SLIT2: variants seen among roughly 807,000 people sequenced by gnomAD.
SLIT2 encodes slit homolog 2 protein.
SLIT2 carries 41 observed loss-of-function variants against 185.7 expected under a neutral mutation model. The observed-to-expected ratio is 0.22, with a 90% CI of 0.17 to 0.29. The LOEUF is 0.29. Among genes scored for constraint, SLIT2 ranks in the 10% least tolerant of loss-of-function variants. The pLI is 1.00. For synonymous variants in SLIT2, 693 were observed against 680.2 expected (o/e 1.02, Z -0.29); for missense variants, 1,571 against 1,909.0 (o/e 0.82, Z 3.30).
chr4:20,438,868 C>T lies in SLIT2; in HGVS notation c.396-28884C>T, dbSNP rs572292482. ...GGTTTATGTGTCATTTTCCAGATGTCATCACTGCTGACAAGTCTATATAAA... is the reference window on the plus strand; with the variant it reads ...GGTTTATGTGTCATTTTCCAGATGTTATCACTGCTGACAAGTCTATATAAA... On this transcript the variant is annotated intron_variant, in intron 4 of 36. Transcript: ENST00000504154. Among the ~76,000 whole-genome samples the T allele has an allele frequency of 5.3e-5, 8 of 152,308 alleles. 1 individual carries two copies. In the East Asian group the frequency reaches 9.7e-4, roughly 18 times the overall value.
chr4:20,367,096 G>A (rs1206403791), intron 4 of SLIT2, among the ~76,000 whole-genome samples: 1 of 152,116 alleles, frequency 6.6e-6, no homozygotes, highest in Non-Finnish European at 1.5e-5. Flanking sequence ...ACTGTACCCA[G>A]ATGTTTTATG....
intron 19 of SLIT2, among the ~76,000 whole-genome samples, chr4:20,541,094 G>A (rs1419475340): frequency 2.0e-5 from 3 of 152,138 alleles, no homozygotes; most frequent in Non-Finnish European, 4.4e-5. Flanking sequence ...TTATCAGTGC[G>A]AAGTTTGACA....
At chr4:20,593,293 A>G (rs1727660291) in intron 30 of SLIT2, among the ~76,000 whole-genome samples, 1 of 152,190 alleles carries the variant, frequency 6.6e-6, no homozygotes, top group Admixed American at 6.6e-5. Flanking sequence ...ATACGTGTTA[A>G]AGATGAGGAA....
At chr4:20,274,558 G>T (rs1713968138) in intron 4 of SLIT2, among the ~76,000 whole-genome samples, 1 of 152,050 alleles carries the variant, frequency 6.6e-6, no homozygotes, top group Non-Finnish European at 1.5e-5. Context: ...TTGAGATTTT[G>T]CCAGATCTAG....
intron 26 of SLIT2, among the ~76,000 whole-genome samples, chr4:20,559,824 A>G (rs992908896): frequency 6.6e-6 from 1 of 152,016 alleles, no homozygotes; most frequent in South Asian, 2.1e-4. Context: ...AGTTTTTAAT[A>G]AAAGTATTTT....
In SLIT2 at chr4:20,254,744, G is replaced by A. The variant is rs935326096; in HGVS notation, c.179+750G>A. On this transcript the variant is annotated intron_variant, in intron 1 of 36. Transcript: ENST00000504154. The surrounding 1 kb of genome is among the most constrained non-coding windows in gnomAD (Gnocchi z 5.1). ...TCTCCAGCGCAAACCAGCCCAACCA[G>A]GTCTTACCACTGCGGCGACCCGGCG... is the stretch of plus-strand genomic sequence containing the variant. 2.6e-5 allele frequency among the ~76,000 whole-genome samples: 4 copies of A among 152,114 alleles called. No homozygotes were observed. In the East Asian group the frequency reaches 7.8e-4, roughly 30 times the overall value.
chr4:20,321,271 T>C (rs1292087166), intron 4 of SLIT2, among the ~76,000 whole-genome samples: 1 of 152,214 alleles, frequency 6.6e-6, no homozygotes, highest in African/African-American at 2.4e-5. Flanking sequence ...CACTCAGTCA[T>C]TGGATAGTCA....
intron 4 of SLIT2, among the ~76,000 whole-genome samples, chr4:20,417,436 G>GTATA (rs367855245): frequency 0.079 from 9,734 of 123,616 alleles, 578 homozygotes; most frequent in South Asian, 0.14. Flanking sequence ...ATGTGTGTGT[G>GTATA]TATATATATA....
intron 4 of SLIT2, among the ~76,000 whole-genome samples, chr4:20,340,004 A>T (rs1178542192): frequency 6.6e-6 from 1 of 152,156 alleles, no homozygotes. Flanking sequence ...TCCATCTATA[A>T]TCTGAATACC....
intron 4 of SLIT2, among the ~76,000 whole-genome samples, chr4:20,293,871 C>T (rs1716212284): frequency 6.6e-6 from 1 of 152,010 alleles, no homozygotes; most frequent in South Asian, 2.1e-4. Context: ...TGAAGGTCCT[C>T]CCAAGACTCT....
chr4:20,508,461 T>C (rs932979305), intron 9 of SLIT2, among the ~76,000 whole-genome samples: 1 of 152,188 alleles, frequency 6.6e-6, no homozygotes, highest in African/African-American at 2.4e-5. Flanking sequence ...CAGTGGAATA[T>C]TATGAAGGCA....
chr4:20,445,839 A>ACTCT (rs1305653318), intron 4 of SLIT2, among the ~76,000 whole-genome samples: 5 of 151,924 alleles, frequency 3.3e-5, no homozygotes, highest in African/African-American at 9.7e-5. Context: ...AAATGAAGCG[A>ACTCT]CTCTCTTAAT....
intron 4 of SLIT2, among the ~76,000 whole-genome samples, chr4:20,411,886 G>C (rs1040428332): frequency 6.6e-6 from 1 of 152,322 alleles, no homozygotes; most frequent in South Asian, 2.1e-4. Flanking sequence ...GCGCAGGAAA[G>C]TGAGGAAGAG....
chr4:20,259,314 G>A (rs1309676565), intron 3 of SLIT2, among the ~76,000 whole-genome samples: 1 of 151,632 alleles, frequency 6.6e-6, no homozygotes, highest in Non-Finnish European at 1.5e-5. Flanking sequence ...AACTTGCAAA[G>A]ATATTTTAAT....
At chr4:20,327,138 A>G (rs1056131540) in intron 4 of SLIT2, among the ~76,000 whole-genome samples, 2 of 151,962 alleles carry the variant, frequency 1.3e-5, no homozygotes, top group African/African-American at 4.8e-5. Flanking sequence ...ATTATCAAGT[A>G]TATGCTGAGG....
At chr4:20,328,908 G>T (rs1028024596) in intron 4 of SLIT2, among the ~76,000 whole-genome samples, 3 of 152,076 alleles carry the variant, frequency 2.0e-5, no homozygotes, top group Non-Finnish European at 4.4e-5. Context: ...ACATGTCTGT[G>T]TGTCTGCATG....
chr4:20,587,400 A>T (rs1727151174), intron 29 of SLIT2, among the ~76,000 whole-genome samples: 1 of 152,198 alleles, frequency 6.6e-6, no homozygotes, highest in South Asian at 2.1e-4. Flanking sequence ...AAGAAGTACC[A>T]TATACAATCT....
intron 4 of SLIT2, among the ~76,000 whole-genome samples, chr4:20,314,868 C>T (rs984966207): frequency 7.9e-5 from 12 of 152,010 alleles, no homozygotes; most frequent in Admixed American, 7.2e-4. Context: ...CATGGATACT[C>T]TTTTTTCCTG....
In SLIT2 at chr4:20,593,631, C is replaced by T. The variant is rs149823495; in HGVS notation, c.3183-2066C>T. ...AGAGAGCAGATCTGAAATATTTTCA[C>T]CACAAAAGGAAAAGGGTAACTATGG... On this transcript the variant is annotated intron_variant, in intron 30 of 36. Coordinates refer to ENST00000504154, the MANE Select transcript of SLIT2 (RefSeq NM_004787.4). Among the ~76,000 whole-genome samples the T allele has an allele frequency of 7.8e-4, 119 of 151,946 alleles. 1 individual carries two copies. The highest frequency in any genetic ancestry group is 5.8e-4 in the East Asian group (3 of 5,168).
Sources: gnomAD v4.1 joint callset for allele counts (sites outside exome capture counted in the v4.1 genomes callset) on GRCh38, gnomAD v4.1.1 for gene constraint, Gnocchi (gnomAD v3.1) non-coding constraint, MANE v1.5 for transcripts, NCBI Gene and HGNC (gene_info 2026-07-23, HGNC 2026-07-21) for gene names.